MAPK10: variants seen among roughly 807,000 people sequenced by gnomAD.
MAPK10 encodes the protein mitogen-activated protein kinase 10, also known as JNK3 alpha protein kinase.
MAPK10 carries 25 observed loss-of-function variants against 59.3 expected under a neutral mutation model. That is an observed-to-expected ratio of 0.42 (90% CI 0.31 to 0.59). The LOEUF (loss-of-function observed/expected upper bound fraction) is 0.59. MAPK10 is among the 20% of genes least tolerant of loss of function. The pLI, the probability that MAPK10 is intolerant of heterozygous loss-of-function variation, is 0.15. For synonymous variants in MAPK10, 190 were observed against 200.5 expected (o/e 0.95, Z 0.44); for missense variants, 351 against 568.9 (o/e 0.62, Z 3.90).
rs566847809 is a variant in MAPK10, at chr4:86,257,526, A to G, written c.-6-63119T>C. On this transcript the variant is annotated intron_variant, in intron 2 of 13. Coordinates refer to ENST00000641462, the MANE Select transcript of MAPK10 (RefSeq NM_138982.4). ...TTTTTTATCTTCCACTGATTCAACA[A>G]TAACTTCATACCTGGTTCACAGTCT... Among the ~76,000 whole-genome samples the G allele has an allele frequency of 1.7e-3, 263 of 152,260 alleles. 1 individual carries two copies. Among genetic ancestry groups the G allele is most frequent in the South Asian group, 0.015 (73 of 4,826 alleles).
intron 1 of MAPK10, among the ~76,000 whole-genome samples, chr4:86,479,855 A>C (rs918805401): frequency 6.6e-6 from 1 of 152,050 alleles, no homozygotes; most frequent in East Asian, 1.9e-4. Flanking sequence ...GTTTCTTCTA[A>C]CAACCCCACA....
At chr4:86,092,115 T>C (rs868826370) in intron 9 of MAPK10, among the ~76,000 whole-genome samples, 2 of 152,184 alleles carry the variant, frequency 1.3e-5, no homozygotes, top group African/African-American at 4.8e-5. Flanking sequence ...TCAAAATAGA[T>C]TTAATAGATC....
intron 2 of MAPK10, among the ~76,000 whole-genome samples, chr4:86,287,578 T>A (rs2095061987): frequency 6.6e-6 from 1 of 152,116 alleles, no homozygotes; most frequent in Non-Finnish European, 1.5e-5. Flanking sequence ...CTCAAGAGAG[T>A]TGTGACTTTT....
intron 1 of MAPK10, among the ~76,000 whole-genome samples, chr4:86,508,663 C>CT (rs1000532446): frequency 6.6e-6 from 1 of 152,096 alleles, no homozygotes; most frequent in African/African-American, 2.4e-5. Context: ...TGATTTGGCT[C>CT]TTTTTCCCTT....
chr4:86,169,755 A>C (rs62305536), intron 3 of MAPK10, among the ~76,000 whole-genome samples: 1 of 151,976 alleles, frequency 6.6e-6, no homozygotes, highest in Non-Finnish European at 1.5e-5. Context: ...TCCAAGACAC[A>C]TAATTGTCAG....
chr4:86,101,191 G>C lies in MAPK10; in HGVS notation c.591C>G (p.Val197=). 4 of 1,613,758 alleles carry C rather than the reference G, an allele frequency of 2.5e-6. No individual in the cohort carries two copies. The highest frequency in any genetic ancestry group is 3.4e-6 in the Non-Finnish European group (4 of 1,179,822). ...GGATTTTCAATGTGCAATCAGACTT[G>C]ACTACAATGTTACTTGGTTTTAAAT... is the stretch of plus-strand genomic sequence containing the variant. The part of the protein sequence containing the change: ...HRDLKPSNIV[V]KSDCTLKILD... The change falls in exon 8 of 14, where the codon GTC becomes GTG. Residue 197 remains valine (V), a synonymous_variant. Transcript: ENST00000641462.
intron 2 of MAPK10, among the ~76,000 whole-genome samples, chr4:86,221,046 C>T (rs1442742660): frequency 1.3e-5 from 2 of 152,184 alleles, no homozygotes; most frequent in African/African-American, 4.8e-5. Flanking sequence ...TAGGCTAGTC[C>T]ACTGAGCTAG....
intron 2 of MAPK10, among the ~76,000 whole-genome samples, chr4:86,337,018 T>G (rs1013712002): frequency 1.3e-5 from 2 of 152,002 alleles, no homozygotes; most frequent in Non-Finnish European, 2.9e-5. Flanking sequence ...CTCAATCTCC[T>G]GACCTCGTGA....
At chr4:86,549,554 C>A (rs1759590292) in intron 1 of MAPK10, among the ~76,000 whole-genome samples, 1 of 152,192 alleles carries the variant, frequency 6.6e-6, no homozygotes, top group African/African-American at 2.4e-5. Flanking sequence ...GGAAGTTGCT[C>A]TGAGTGAGTC....
At chr4:86,310,265 T>C (rs112391168) in intron 2 of MAPK10, among the ~76,000 whole-genome samples, 4,225 of 152,282 alleles carry the variant, frequency 0.028, 83 homozygotes, top group South Asian at 0.051. Flanking sequence ...CTTGGGCACA[T>C]GTCAGGATTT....
intron 2 of MAPK10, among the ~76,000 whole-genome samples, chr4:86,328,399 C>T (rs9654157): frequency 6.6e-6 from 1 of 152,082 alleles, no homozygotes; most frequent in African/African-American, 2.4e-5. Context: ...TTACACTGTT[C>T]GTGGGAATGT....
At chr4:86,025,299 G>A (rs1411189849) in intron 13 of MAPK10, 3 of 386,172 alleles carry the variant, frequency 7.8e-6, no homozygotes, top group Non-Finnish European at 1.4e-5. Flanking sequence ...ATTTGCTTCT[G>A]TATGACTCCC....
chr4:86,574,178 A>G (rs1331390773), intron 1 of MAPK10, among the ~76,000 whole-genome samples: 3 of 151,510 alleles, frequency 2.0e-5, no homozygotes, highest in African/African-American at 7.3e-5. Context: ...TCCTTGCGAC[A>G]GTTTACTGAG....
intron 1 of MAPK10, among the ~76,000 whole-genome samples, chr4:86,530,560 T>C (rs1450453382): frequency 6.6e-6 from 1 of 152,204 alleles, no homozygotes; most frequent in Non-Finnish European, 1.5e-5. Context: ...ATCTGGAGGC[T>C]GGAAAGTCCA....
chr4:86,108,939 A>G (rs1347382660), intron 4 of MAPK10, among the ~76,000 whole-genome samples: 1 of 152,162 alleles, frequency 6.6e-6, no homozygotes, highest in Non-Finnish European at 1.5e-5. Flanking sequence ...CCAGTCCCCT[A>G]CCATCACTTG....
chr4:86,052,815 C>T (rs1385443975), intron 11 of MAPK10, among the ~76,000 whole-genome samples: 2 of 152,076 alleles, frequency 1.3e-5, no homozygotes, highest in Non-Finnish European at 2.9e-5. Flanking sequence ...CCACCACAGC[C>T]TCCCAAGTAG....
intron 1 of MAPK10, among the ~76,000 whole-genome samples, chr4:86,557,157 A>G (rs1454134264): frequency 6.6e-6 from 1 of 152,130 alleles, no homozygotes; most frequent in East Asian, 1.9e-4. Context: ...AGAAATATGA[A>G]GTGGACCATT....
At chr4:86,277,684 T>C (rs1214290359) in intron 2 of MAPK10, among the ~76,000 whole-genome samples, 2 of 152,146 alleles carry the variant, frequency 1.3e-5, no homozygotes, top group Non-Finnish European at 2.9e-5. Flanking sequence ...GTGTTACTTG[T>C]TTCTAGTTGA....
chr4:86,235,983 TGGAAGCTCTAAG>T (rs1000530051), intron 2 of MAPK10, among the ~76,000 whole-genome samples: 1 of 152,190 alleles, frequency 6.6e-6, no homozygotes, highest in African/African-American at 2.4e-5. Flanking sequence ...TAGTTCCTCT[TGGAAGCTCTAAG>T]GGAGAAGCTG....
Sources: allele counts gnomAD v4.1 joint callset (sites outside exome capture counted in the v4.1 genomes callset), GRCh38; gene constraint gnomAD v4.1.1; transcripts MANE v1.5; gene names NCBI Gene and HGNC (gene_info 2026-07-23, HGNC 2026-07-21).